Variants in TBC1D21 observed in about 807,000 individuals in gnomAD.
TBC1D21 encodes the protein TBC1 domain family member 21, also known as male germ cell Rab GTPase-activating protein.
TBC1D21 carries 38 observed loss-of-function variants against 46.0 expected under a neutral mutation model. That is an observed-to-expected ratio of 0.83 (90% CI 0.64 to 1.08). The LOEUF (loss-of-function observed/expected upper bound fraction) is 1.08, where lower values mean the gene tolerates loss of function less well. TBC1D21 is among the 50% of genes least tolerant of loss of function. The probability of loss-of-function intolerance (pLI) is 0.00; values close to 1 mark genes in which losing one functional copy is unlikely to be tolerated. For missense variants in TBC1D21, 415 were observed against 417.9 expected, an observed-to-expected ratio of 0.99 and a Z score of 0.06; for synonymous variants, 151 against 157.2, an observed-to-expected ratio of 0.96 and a Z score of 0.29.
intron 1 of TBC1D21, 44 bp downstream of exon 1, chr15:73,873,813 C>G: frequency 3.8e-6 from 6 of 1,584,548 alleles, no homozygotes; most frequent in Non-Finnish European, 5.2e-6. Flanking sequence ...TCCCCAGCCT[C>G]TGGTTGGCAC....
At chr15:73,889,610 C>T (rs1002681128), downstream of TBC1D21, among the ~76,000 whole-genome samples, 3 of 152,214 alleles carry the variant, frequency 2.0e-5, no homozygotes. Flanking sequence ...TCATTTTTTC[C>T]AGAGATTTCC....
chr15:73,891,497 C>T (rs929941081), downstream of TBC1D21, among the ~76,000 whole-genome samples: 7 of 152,308 alleles, frequency 4.6e-5, no homozygotes, highest in Non-Finnish European at 7.4e-5. Flanking sequence ...GCAGGAGCCC[C>T]GCCCCCTTCC....
At chr15:73,886,216 G>T (rs1403187303) in intron 7 of TBC1D21, 42 bp downstream of exon 7, 4 of 1,565,234 alleles carry the variant, frequency 2.6e-6, no homozygotes, top group Non-Finnish European at 3.5e-6. Flanking sequence ...CACCCCCCAG[G>T]CATGGGAAGG....
the TBC1D21 span, among the ~76,000 whole-genome samples, chr15:73,904,134 T>C: frequency 1.3e-5 from 2 of 152,346 alleles, no homozygotes; most frequent in South Asian, 2.1e-4. Flanking sequence ...TAGGAAGTCT[T>C]CCTTCTAAGT....
chr15:73,873,761 T>A lies in TBC1D21; in HGVS notation c.52T>A (p.Phe18Ile), dbSNP rs2068009581. Residue 18 changes from phenylalanine (F) to isoleucine (I), a missense_variant, in exon 1 of 11, where the codon TTC becomes ATC. By Grantham distance (21) the Phe-to-Ile change is conservative. Coordinates refer to ENST00000300504, the MANE Select transcript of TBC1D21 (RefSeq NM_153356.3). Reference sequence around the variant, plus strand: ...CCTCTCTGCCAGACAGTCAGCCTCCTTCATCCTGGTGCGTGTTCTTTGTCA... The same window carrying A: ...CCTCTCTGCCAGACAGTCAGCCTCCATCATCCTGGTGCGTGTTCTTTGTCA... Reference protein sequence around the residue: ...NSLSARQSASFILVKRKPPID... With the variant: ...NSLSARQSASIILVKRKPPID... 1.9e-6 allele frequency: 3 copies of A among 1,610,074 alleles called. No individual in the cohort carries two copies. The highest frequency in any genetic ancestry group is 1.7e-5 in the Admixed American group (1 of 59,780).
chr15:73,887,098 C>A (rs1302625563), intron 8 of TBC1D21, among the ~76,000 whole-genome samples: 1 of 152,308 alleles, frequency 6.6e-6, no homozygotes, highest in East Asian at 1.9e-4. Context: ...ATGCCACCCC[C>A]ACCCATCAAT....
At chr15:73,895,306 G>C in the TBC1D21 span, among the ~76,000 whole-genome samples, 1 of 152,204 alleles carries the variant, frequency 6.6e-6, no homozygotes, top group African/African-American at 2.4e-5. Flanking sequence ...AGAGAGGACA[G>C]GAGTGACTGT....
chr15:73,904,350 G>A, the TBC1D21 span, among the ~76,000 whole-genome samples: 1 of 152,248 alleles, frequency 6.6e-6, no homozygotes, highest in Non-Finnish European at 1.5e-5. Context: ...TTCTTGCCTA[G>A]TGGTGTGCTG....
At position 73,886,027 on chromosome 15, in the gene TBC1D21, G is replaced by A. The variant is rs374114488; in HGVS notation, c.580-51G>A. On this transcript the variant is annotated intron_variant, in intron 6 of 10. Coordinates refer to ENST00000300504, the MANE Select transcript of TBC1D21 (RefSeq NM_153356.3). The stretch of plus-strand genomic sequence containing the variant: ...TGGGGGAAGCAGAGTTGACTCTTCC[G>A]GTGCCTTGAAGCCAAGGGGGACTCA... 5.0e-4 allele frequency: 767 copies of A among 1,530,314 alleles called. 10 individuals are homozygous for A. The South Asian group carries it at 6.6e-3, about 13-fold the overall frequency. 94.8% of individuals were successfully genotyped at this position (1,530,314 alleles called of 1,614,324 possible).
At chr15:73,879,133 T>G (rs925129441) in intron 1 of TBC1D21, among the ~76,000 whole-genome samples, 2 of 152,228 alleles carry the variant, frequency 1.3e-5, no homozygotes, top group Non-Finnish European at 2.9e-5. Context: ...AAATATACAG[T>G]TAGTAGAAAT....
downstream of TBC1D21, among the ~76,000 whole-genome samples, chr15:73,893,981 CTTTATCTAACAGAATCAGAAT>C (rs1223154541): frequency 6.6e-6 from 1 of 152,206 alleles, no homozygotes; most frequent in African/African-American, 2.4e-5. Flanking sequence ...CACTCGCATG[CTTTATCTAACAGAATCAGAAT>C]TCTGATTCTG....
chr15:73,884,154 G>A lies in TBC1D21; in HGVS notation c.276G>A (p.Lys92=). 6.2e-7 allele frequency: 1 copy of A among 1,614,056 alleles called. No homozygotes were observed. The part of the protein sequence containing the change: ...ERLTVDSMRR[K]NYKALCQMYE... ...AGCCTCAGTTCTGTTCTCACAGGAAGAACTACAAGGCCTTATGCCAAATGT... is the reference window on the plus strand; with the variant it reads ...AGCCTCAGTTCTGTTCTCACAGGAAAAACTACAAGGCCTTATGCCAAATGT... Residue 92 remains lysine, a synonymous_variant, in exon 4 of 11, where the codon AAG becomes AAA. Coordinates refer to ENST00000300504, the MANE Select transcript of TBC1D21 (RefSeq NM_153356.3).
intron 1 of TBC1D21, among the ~76,000 whole-genome samples, chr15:73,876,871 T>C (rs895710951): frequency 6.6e-6 from 1 of 152,216 alleles, no homozygotes; most frequent in Non-Finnish European, 1.5e-5. Flanking sequence ...TATTTTTTAT[T>C]TGAGTGGAAA....
At chr15:73,884,081 G>A (rs2068200017) in intron 3 of TBC1D21, 70 bp from the exon 4 acceptor site, 1 of 1,297,812 alleles carries the variant, frequency 7.7e-7, no homozygotes, top group Non-Finnish European at 1.1e-6. Context: ...CCTGGTAGCT[G>A]CAGCTGCTCA....
chr15:73,891,761 A>T (rs1200568434), downstream of TBC1D21, among the ~76,000 whole-genome samples: 1 of 152,150 alleles, frequency 6.6e-6, no homozygotes, highest in Admixed American at 6.5e-5. Flanking sequence ...CAGCACTTAC[A>T]CACCAGCCCC....
chr15:73,899,967 C>A, the TBC1D21 span, among the ~76,000 whole-genome samples: 1 of 152,282 alleles, frequency 6.6e-6, no homozygotes, highest in South Asian at 2.1e-4. Flanking sequence ...TTGAGGTGGG[C>A]AGCCCAGGAG....
chr15:73,885,077 C>T lies in TBC1D21; in HGVS notation c.553C>T (p.Leu185Phe). 1 of 1,613,280 alleles carries T rather than the reference C, an allele frequency of 6.2e-7. No individual in the cohort carries two copies. Among genetic ancestry groups the T allele is most frequent in the Non-Finnish European group, 8.5e-7 (1 of 1,179,992 alleles). The change falls in exon 6 of 11, where the codon CTT becomes TTT. Residue 185 changes from leucine (L) to phenylalanine (F), a missense_variant. Physicochemically the swap from Leu to Phe is conservative, Grantham distance 22. Transcript: ENST00000300504. Reference sequence around the variant, plus strand: ...GGAGCACGACCACGAGACCTTCTGGCTTTTCCAGTTCTTCCTGCAGAAAAC... The same window carrying T: ...GGAGCACGACCACGAGACCTTCTGGTTTTTCCAGTTCTTCCTGCAGAAAAC... ...MVEHDHETFWLFQFFLQKTEH... is the reference protein window; with the variant it reads ...MVEHDHETFWFFQFFLQKTEH...
intron 1 of TBC1D21, among the ~76,000 whole-genome samples, chr15:73,880,511 C>T (rs990241925): frequency 6.6e-6 from 1 of 152,154 alleles, no homozygotes; most frequent in African/African-American, 2.4e-5. Flanking sequence ...TGACTAACGC[C>T]TGTAGTCCCA....
the TBC1D21 span, among the ~76,000 whole-genome samples, chr15:73,895,430 T>C: frequency 6.6e-6 from 1 of 152,126 alleles, no homozygotes; most frequent in African/African-American, 2.4e-5. Flanking sequence ...TAGACCTCCC[T>C]ACCCTCCCAT....
Sources: allele counts gnomAD v4.1 joint callset (sites outside exome capture counted in the v4.1 genomes callset), GRCh38; gene constraint gnomAD v4.1.1; transcripts MANE v1.5; gene names NCBI Gene and HGNC (gene_info 2026-07-23, HGNC 2026-07-21).